The following TSHR variants were observed in gnomAD, a reference collection of about 807,000 sequenced individuals.
TSHR encodes thyroid stimulating hormone receptor.
In TSHR, 51 loss-of-function variants were observed where a neutral mutation model predicts 64.1. That is an observed-to-expected ratio of 0.80 (90% CI 0.64 to 1.01). The LOEUF is 1.01. TSHR is among the 50% of genes least tolerant of loss of function. TSHR has a pLI of 0.00. For missense variants in TSHR, 877 were observed against 942.8 expected (o/e 0.93, Z 0.91); for synonymous variants, 361 against 361.9 (o/e 1.00, Z 0.03).
At chr14:81,074,741 G>A (rs990956925) in intron 3 of TSHR, among the ~76,000 whole-genome samples, 1 of 152,106 alleles carries the variant, frequency 6.6e-6, no homozygotes, top group Non-Finnish European at 1.5e-5. Flanking sequence ...GACTACAGCA[G>A]TAAAATAACA....
intron 1 of TSHR, among the ~76,000 whole-genome samples, chr14:81,006,343 G>T (rs144447853): frequency 1.3e-5 from 2 of 151,938 alleles, no homozygotes; most frequent in Non-Finnish European, 2.9e-5. Context: ...CTTTTCTGGG[G>T]CATCTCTCCT....
At chr14:81,104,203 A>G in intron 7 of TSHR, 1 of 985,408 alleles carries the variant, frequency 1.0e-6, no homozygotes, top group Non-Finnish European at 1.2e-6. Context: ...CTACAAAAGG[A>G]TTTCCATAGA....
At chr14:81,101,209 A>G (rs59504504) in intron 7 of TSHR, among the ~76,000 whole-genome samples, 17,454 of 152,064 alleles carry the variant, frequency 0.11, 2,738 homozygotes, top group African/African-American at 0.36. Flanking sequence ...TCGATATACC[A>G]TCTGCTTGGG....
At chr14:81,009,775 T>C (rs1293118977) in intron 1 of TSHR, among the ~76,000 whole-genome samples, 2 of 152,114 alleles carry the variant, frequency 1.3e-5, no homozygotes, top group African/African-American at 2.4e-5. Context: ...TTTATCCATT[T>C]CCCCTATGAT....
chr14:81,120,377 G>A (rs2284736), intron 8 of TSHR, among the ~76,000 whole-genome samples: 76,513 of 151,796 alleles, frequency 0.5, 21,883 homozygotes, highest in Admixed American at 0.64. Context: ...AGAGTTTTCA[G>A]TGTACAGATC....
intron 8 of TSHR, chr14:81,109,036 A>G (rs1890101798): frequency 1.7e-6 from 2 of 1,173,264 alleles, no homozygotes; most frequent in South Asian, 1.9e-5. Flanking sequence ...AAGCCTCTGT[A>G]TCATTGCCAC....
At chr14:80,983,133 T>C in intron 1 of TSHR, 1 of 789,348 alleles carries the variant, frequency 1.3e-6, no homozygotes, top group East Asian at 2.5e-5. Context: ...AATGAGAAAA[T>C]TACTAATTTT....
intron 1 of TSHR, chr14:81,003,184 C>A (rs1889432386): frequency 6.6e-6 from 1 of 151,898 alleles, no homozygotes; most frequent in Admixed American, 6.6e-5. Flanking sequence ...AGACTCAGTT[C>A]TCCTTCTACT....
intron 3 of TSHR, among the ~76,000 whole-genome samples, chr14:81,074,677 C>T (rs557407549): frequency 1.3e-5 from 2 of 152,306 alleles, no homozygotes; most frequent in South Asian, 2.1e-4. Flanking sequence ...CTTATGAATA[C>T]ACATTTCAAA....
intron 1 of TSHR, among the ~76,000 whole-genome samples, chr14:81,039,170 A>G (rs753685040): frequency 6.6e-6 from 1 of 152,074 alleles, no homozygotes; most frequent in Non-Finnish European, 1.5e-5. Flanking sequence ...AGAGTTCACC[A>G]TGACCAACTG....
chr14:81,108,555 A>T (rs1890067841), intron 8 of TSHR, 103 bp downstream of exon 8: 1 of 1,610,194 alleles, frequency 6.2e-7, no homozygotes, highest in Admixed American at 1.7e-5. Context: ...CAAGGGTAGA[A>T]AATGTTGCTG....
chr14:81,143,893 A>C lies in TSHR; in HGVS notation c.1835A>C (p.Gln612Pro). Reference protein sequence around the residue: ...VKIYITVRNPQYNPGDKDTKI... With the variant: ...VKIYITVRNPPYNPGDKDTKI... ...ATCTACATCACAGTCCGAAATCCGC[A>C]GTACAACCCAGGGGACAAAGATACC... The change falls in exon 10 of 10, where the codon CAG (glutamine) becomes CCG (proline). Residue 612 changes from glutamine (Q) to proline (P), a missense_variant. Transcript: ENST00000298171. 6.2e-7 allele frequency: 1 copy of C among 1,614,202 alleles called. No homozygotes were observed. Among genetic ancestry groups the C allele is most frequent in the Non-Finnish European group, 8.5e-7 (1 of 1,180,048 alleles).
At chr14:81,065,131 C>T (rs1039812712) in intron 2 of TSHR, among the ~76,000 whole-genome samples, 11 of 152,122 alleles carry the variant, frequency 7.2e-5, no homozygotes, top group Admixed American at 2.6e-4. Flanking sequence ...GTCCACTTCC[C>T]GCCTCACAGA....
chr14:81,132,831 A>G (rs1026760267), intron 8 of TSHR, among the ~76,000 whole-genome samples: 2 of 149,270 alleles, frequency 1.3e-5, no homozygotes, highest in African/African-American at 5.1e-5. Context: ...ACCCATAACA[A>G]CTCTTTATAT....
chr14:80,959,402 T>C (rs1265936931), intron 1 of TSHR: 1 of 152,230 alleles, frequency 6.6e-6, no homozygotes, highest in Non-Finnish European at 1.5e-5. Context: ...AAACCAAGGA[T>C]AACAAGATTG....
At chr14:81,133,245 A>C (rs1267204637) in intron 8 of TSHR, among the ~76,000 whole-genome samples, 5 of 152,248 alleles carry the variant, frequency 3.3e-5, no homozygotes, top group African/African-American at 7.2e-5. Flanking sequence ...TTATACATCC[A>C]CAAGAATTTT....
chr14:80,963,970 T>C (rs1039693120), intron 1 of TSHR, among the ~76,000 whole-genome samples: 1 of 152,216 alleles, frequency 6.6e-6, no homozygotes, highest in African/African-American at 2.4e-5. Context: ...GATAAATTGC[T>C]AATACTAATA....
At chr14:80,984,885 C>T (rs12101261) in intron 1 of TSHR, among the ~76,000 whole-genome samples, 57,244 of 152,018 alleles carry the variant, frequency 0.38, 11,249 homozygotes, top group East Asian at 0.62. Context: ...TCTTTTTCTA[C>T]CCATTTGTAC....
intron 1 of TSHR, chr14:80,981,922 C>A: frequency 4.3e-6 from 1 of 233,262 alleles, no homozygotes; most frequent in Non-Finnish European, 9.3e-6. Context: ...AGTATTAAGA[C>A]ATCAGCCTAG....
Sources: gnomAD v4.1 joint callset for allele counts (sites outside exome capture counted in the v4.1 genomes callset) on GRCh38, gnomAD v4.1.1 for gene constraint, MANE v1.5 for transcripts, NCBI Gene and HGNC (gene_info 2026-07-23, HGNC 2026-07-21) for gene names.